DHX37: variants seen among roughly 807,000 people sequenced by gnomAD.
DHX37 encodes the protein DEAH-box helicase 37, also known as probable ATP-dependent RNA helicase DHX37.
Under a neutral mutation model 134.3 loss-of-function variants are expected in DHX37, and 52 were observed. That is an observed-to-expected ratio of 0.39 (90% CI 0.31 to 0.49). The LOEUF (loss-of-function observed/expected upper bound fraction) is 0.49, where lower values mean the gene tolerates loss of function less well. Ranked by LOEUF, DHX37 falls within the 20% of genes least tolerant of loss-of-function variation. The probability of loss-of-function intolerance (pLI) is 0.93; values close to 1 mark genes in which losing one functional copy is unlikely to be tolerated. For synonymous variants in DHX37, 634 were observed against 670.7 expected, an observed-to-expected ratio of 0.95 and a Z score of 0.85; for missense variants, 1,344 against 1,580.8, an observed-to-expected ratio of 0.85 and a Z score of 2.54.
rs995207629 is a variant in DHX37, at chr12:124,949,067, G to A, written c.3291-886C>T. Among the ~76,000 whole-genome samples, 1 of 151,784 alleles carries A rather than the reference G, an allele frequency of 6.6e-6. No homozygotes were observed. Among genetic ancestry groups the A allele is most frequent in the Non-Finnish European group, 1.5e-5 (1 of 67,914 alleles). On this transcript the variant is annotated intron_variant, in intron 25 of 26. Coordinates refer to ENST00000308736, the MANE Select transcript of DHX37 (RefSeq NM_032656.4). This position sits in a 1 kb window ranked among gnomAD's most constrained non-coding sequence, Gnocchi z 4.0. ...GAGGCTCTCCCCGACCAGCCCAGTC[G>A]CACTCCACCCCCTGCCCACCGAGGC... is the stretch of plus-strand genomic sequence containing the variant.
Position 124,947,735 on chromosome 12 carries a change from C to G in DHX37, c.*67G>C, listed in dbSNP as rs1254968290. On this transcript the variant is annotated 3_prime_UTR_variant, in exon 27 of 27. Coordinates refer to ENST00000308736, the MANE Select transcript of DHX37 (RefSeq NM_032656.4). Reference sequence around the variant, plus strand: ...CCCATGCCAGGTGGTCACGGTCGCACGGTGACAGGCTGCTGCCAGCCCTCC... The same window carrying G: ...CCCATGCCAGGTGGTCACGGTCGCAGGGTGACAGGCTGCTGCCAGCCCTCC... 7 of 1,496,214 alleles carry G rather than the reference C, an allele frequency of 4.7e-6. No homozygotes were observed. In the East Asian group the frequency reaches 1.6e-4, roughly 35 times the overall value. 92.7% of individuals were successfully genotyped at this position (1,496,214 alleles called of 1,614,324 possible).
chr12:124,974,458 A>G (rs1161934179), intron 6 of DHX37, among the ~76,000 whole-genome samples: 2 of 148,126 alleles, frequency 1.4e-5, no homozygotes, highest in African/African-American at 5.0e-5. Context: ...CTCCGAGCCT[A>G]ACGTACAAAG....
At chr12:124,951,758 G>A (rs1953981766) in intron 21 of DHX37, among the ~76,000 whole-genome samples, 1 of 152,194 alleles carries the variant, frequency 6.6e-6, no homozygotes, top group South Asian at 2.1e-4. Context: ...GATCACTTGA[G>A]GCCAGGAGTT....
chr12:124,959,041 C>CCAAG (rs1954167853), intron 16 of DHX37, among the ~76,000 whole-genome samples: 1 of 147,038 alleles, frequency 6.8e-6, no homozygotes, highest in African/African-American at 2.6e-5. Flanking sequence ...TCCCAAGTAG[C>CCAAG]TGGGATTATA....
At position 124,971,283 on chromosome 12, in the gene DHX37, C is replaced by T. The variant is rs772962281; in HGVS notation, c.1191+19G>A. 5 of 1,608,602 alleles carry T rather than the reference C, an allele frequency of 3.1e-6. No individual in the cohort carries two copies. In the Admixed American group the frequency reaches 5.0e-5, roughly 16 times the overall value. On this transcript the variant is annotated intron_variant, in intron 8 of 26. Coordinates refer to ENST00000308736, the MANE Select transcript of DHX37 (RefSeq NM_032656.4). ...GGGCCTAGGGCTCGGGGCTCCCCAG[C>T]ACCCGCCTCCTGCGCTACCTTAGCC...
In DHX37 at chr12:124,948,145, C is replaced by T. The variant is rs375177538; in HGVS notation, c.3327G>A (p.Leu1109=). ...CATGGCAGTCAGCCTTCTCTGCAACCAGGGCTCGCAGAAGGCTCTCCGTAC... is the reference window on the plus strand; with the variant it reads ...CATGGCAGTCAGCCTTCTCTGCAACTAGGGCTCGCAGAAGGCTCTCCGTAC... The part of the protein sequence containing the change: ...QPRTESLLRA[L]VAEKADCHEA... The change falls in exon 26 of 27, where the codon CTG becomes CTA. Residue 1109 remains leucine (L), a synonymous_variant. Coordinates refer to ENST00000308736, the MANE Select transcript of DHX37 (RefSeq NM_032656.4). 1.2e-6 allele frequency: 2 copies of T among 1,614,112 alleles called. No individual in the cohort carries two copies. The highest frequency in any genetic ancestry group is 1.3e-5 in the African/African-American group (1 of 74,952).
At position 124,989,087 on chromosome 12, in the gene DHX37, C is replaced by CGTG. The variant is rs1372111752; in HGVS notation, c.-68_-66dup. On this transcript the variant is annotated 5_prime_UTR_variant, in exon 1 of 27. Transcript: ENST00000308736. ...GCAGAGCAATCCGAAACCCAGCCCACGTGGGTTCCCAGACCACCAACTCCG... is the reference window on the plus strand; with the variant it reads ...GCAGAGCAATCCGAAACCCAGCCCACGTGGTGGGTTCCCAGACCACCAACTCCG... 1 of 1,130,822 alleles carries CGTG rather than the reference C, an allele frequency of 8.8e-7. No individual in the cohort carries two copies. The highest frequency in any genetic ancestry group is 1.6e-5 in the African/African-American group (1 of 62,072). 70.0% of individuals were successfully genotyped at this position (1,130,822 alleles called of 1,614,324 possible).
At chr12:124,970,270 G>A (rs73421450) in intron 8 of DHX37, among the ~76,000 whole-genome samples, 5,694 of 152,248 alleles carry the variant, frequency 0.037, 376 homozygotes, top group African/African-American at 0.13. Flanking sequence ...CACCGTGCCC[G>A]GCCTAGGGTT....
rs1472482485 is a variant in DHX37, at chr12:124,949,487, C to G, written c.3290+499G>C. 2.0e-5 allele frequency among the ~76,000 whole-genome samples: 3 copies of G among 151,866 alleles called. No homozygotes were observed. Among genetic ancestry groups the G allele is most frequent in the East Asian group, 3.9e-4 (2 of 5,136 alleles). ...GGGGTCTGCTTAGCTGGGAGGAAGT[C>G]CCCAGGGCCAGGAGGGCAGGATGCC... On this transcript the variant is annotated intron_variant, in intron 25 of 26. Coordinates refer to ENST00000308736, the MANE Select transcript of DHX37 (RefSeq NM_032656.4). The surrounding 1 kb of genome is among the most constrained non-coding windows in gnomAD (Gnocchi z 4.0).
rs754959188 is a variant in DHX37, at chr12:124,960,360, C to A, written c.2109G>T (p.Arg703Ser). ...TTTGAAGGATTAAGTCTTCAACAGG[C>A]CTCCGGGTGATTTCTGGAGGAGGAA... ...EQFPPPEITR[R>S]PVEDLILQMK... Residue 703 changes from arginine to serine, a missense_variant, in exon 16 of 27, where the codon AGG (arginine) becomes AGT (serine). By Grantham distance (110) the Arg-to-Ser change is moderately radical. Around this residue, in one of 7 missense-constraint regions of DHX37, gnomAD observed 558 missense variants for 650.0 expected, o/e 0.86. Coordinates refer to ENST00000308736, the MANE Select transcript of DHX37 (RefSeq NM_032656.4). 6.2e-7 allele frequency: 1 copy of A among 1,614,136 alleles called. No individual in the cohort carries two copies. Among genetic ancestry groups the A allele is most frequent in the Admixed American group, 1.7e-5 (1 of 60,020 alleles).
intron 15 of DHX37, among the ~76,000 whole-genome samples, chr12:124,961,179 TGCGC>T (rs1566331903): frequency 9.7e-5 from 11 of 113,424 alleles, no homozygotes; most frequent in African/African-American, 3.7e-4. Context: ...CACGCGCGCA[TGCGC>T]GCACGCACAC....
intron 5 of DHX37, among the ~76,000 whole-genome samples, chr12:124,976,301 G>A (rs1954637870): frequency 6.6e-6 from 1 of 152,242 alleles, no homozygotes; most frequent in South Asian, 2.1e-4. Context: ...CCATAGCCAT[G>A]TGCAGGATAA....
chr12:124,959,018 T>G (rs1954166626), intron 16 of DHX37, among the ~76,000 whole-genome samples: 1 of 141,150 alleles, frequency 7.1e-6, no homozygotes, highest in African/African-American at 3.1e-5. Context: ...CCAGTGATTC[T>G]CCTGCCTCAG....
chr12:124,975,695 A>G (rs1954623796), intron 5 of DHX37, among the ~76,000 whole-genome samples, 184 bp from the exon 6 acceptor site: 1 of 152,180 alleles, frequency 6.6e-6, no homozygotes, highest in Non-Finnish European at 1.5e-5. Flanking sequence ...AACACATAGA[A>G]AACGGTTCGA....
chr12:124,962,829 T>C (rs1016024041), intron 15 of DHX37, among the ~76,000 whole-genome samples: 5 of 151,120 alleles, frequency 3.3e-5, no homozygotes, highest in African/African-American at 4.9e-5. Flanking sequence ...ATAGCGAGAC[T>C]CCATCTCAAA....
intron 8 of DHX37, among the ~76,000 whole-genome samples, chr12:124,970,049 T>G (rs1566342556): frequency 6.6e-6 from 1 of 152,230 alleles, no homozygotes; most frequent in Non-Finnish European, 1.5e-5. Context: ...CGCGGCTCAC[T>G]GCAAGCTCCA....
At chr12:124,979,859 G>A (rs1311598399) in intron 4 of DHX37, among the ~76,000 whole-genome samples, 1 of 152,230 alleles carries the variant, frequency 6.6e-6, no homozygotes, top group Non-Finnish European at 1.5e-5. Context: ...TCATTTGCTA[G>A]AGCGGTCAGC....
At chr12:124,950,354 G>A (rs1953952179) in intron 23 of DHX37, 59 bp downstream of exon 23, 1 of 1,594,864 alleles carries the variant, frequency 6.3e-7, no homozygotes, top group Non-Finnish European at 8.5e-7. Context: ...AGGACCGTGT[G>A]TCCGAGAAGC....
chr12:124,980,668 G>T lies in DHX37; in HGVS notation c.560C>A (p.Pro187Gln). 1 of 1,599,172 alleles carries T rather than the reference G, an allele frequency of 6.3e-7. No individual in the cohort carries two copies. Among genetic ancestry groups the T allele is most frequent in the Non-Finnish European group, 8.5e-7 (1 of 1,174,690 alleles). ...SELDEDPAAEPAEAGVGTTVA... is the reference protein window; with the variant it reads ...SELDEDPAAEQAEAGVGTTVA... ...GGTGGTCCCCACACCAGCCTCAGCC[G>T]GCTCAGCAGCTGGGTCCTCGTCCAG... The change falls in exon 4 of 27, where the codon CCG becomes CAG. Residue 187 changes from proline to glutamine, a missense_variant. By Grantham distance (76) the Pro-to-Gln change is moderately conservative. Coordinates refer to ENST00000308736, the MANE Select transcript of DHX37 (RefSeq NM_032656.4). This position sits in a 1 kb window ranked among gnomAD's most constrained non-coding sequence, Gnocchi z 5.3.
Sources: allele counts gnomAD v4.1 joint callset (sites outside exome capture counted in the v4.1 genomes callset), GRCh38; gene constraint gnomAD v4.1.1; regional missense constraint gnomAD v4.1.1; non-coding constraint Gnocchi (gnomAD v3.1); transcripts MANE v1.5; gene names NCBI Gene and HGNC (gene_info 2026-07-23, HGNC 2026-07-21).